Variants in SLC5A4 observed in about 807,000 individuals in gnomAD.
SLC5A4 encodes solute carrier family 5 member 4, also known as probable glucose sensor protein SLC5A4.
SLC5A4 carries 55 observed loss-of-function variants against 70.3 expected under a neutral mutation model. The observed-to-expected ratio is 0.78, with a 90% CI of 0.63 to 0.98. SLC5A4 has a LOEUF of 0.98. Ranked by LOEUF, SLC5A4 falls within the 50% of genes least tolerant of loss-of-function variation. SLC5A4 has a pLI of 0.00. For missense variants in SLC5A4, 735 were observed against 839.2 expected (o/e 0.88, Z 1.53); for synonymous variants, 268 against 305.7 (o/e 0.88, Z 1.29).
chr22:32,336,398 G>C, the SLC5A4 span, among the ~76,000 whole-genome samples: 1 of 152,248 alleles, frequency 6.6e-6, no homozygotes, highest in Non-Finnish European at 1.5e-5. Flanking sequence ...TTGCACAGTA[G>C]TTGCTGCGTT....
intron 3 of SLC5A4, 54 bp downstream of exon 3, chr22:32,251,716 T>G: frequency 9.5e-7 from 1 of 1,050,620 alleles, no homozygotes; most frequent in South Asian, 1.3e-5. Context: ...TAAAACATAC[T>G]AAGACACTGG....
chr22:32,275,348 A>G, the SLC5A4 span, among the ~76,000 whole-genome samples: 14 of 152,232 alleles, frequency 9.2e-5, no homozygotes, highest in South Asian at 2.3e-3. Flanking sequence ...AGCATTAGGT[A>G]TATCTCCTAA....
intron 5 of SLC5A4, among the ~76,000 whole-genome samples, chr22:32,242,125 G>GC (rs1280750956): frequency 6.6e-6 from 1 of 152,028 alleles, no homozygotes. Flanking sequence ...GTGTATGTAT[G>GC]CATTTATTTC....
chr22:32,226,629 A>G (rs1444987176), intron 11 of SLC5A4, among the ~76,000 whole-genome samples: 1 of 152,202 alleles, frequency 6.6e-6, no homozygotes, highest in Non-Finnish European at 1.5e-5. Context: ...GTCTTAGCAT[A>G]ATGCCTAAAC....
the SLC5A4 span, among the ~76,000 whole-genome samples, chr22:32,304,499 G>C: frequency 1.3e-5 from 2 of 151,878 alleles, no homozygotes; most frequent in Non-Finnish European, 2.9e-5. Context: ...GGCTGATCTC[G>C]AACTTCTGGG....
intron 12 of SLC5A4, among the ~76,000 whole-genome samples, chr22:32,224,788 C>T (rs561593948): frequency 4.6e-5 from 7 of 152,250 alleles, no homozygotes; most frequent in Non-Finnish European, 8.8e-5. Flanking sequence ...TAGATCAAAA[C>T]ACTTGTGATT....
the SLC5A4 span, among the ~76,000 whole-genome samples, chr22:32,316,921 CTAAT>C: frequency 1.0e-3 from 127 of 121,926 alleles, no homozygotes; most frequent in Non-Finnish European, 1.8e-3. Context: ...GCCAAATAAT[CTAAT>C]TAACAACTCT....
the SLC5A4 span, among the ~76,000 whole-genome samples, chr22:32,267,995 G>T: frequency 6.6e-6 from 1 of 152,048 alleles, no homozygotes; most frequent in Admixed American, 6.6e-5. Context: ...GTGGTGGTGG[G>T]CGCCTGTAGT....
chr22:32,257,007 G>A (rs1311901241), upstream of SLC5A4, among the ~76,000 whole-genome samples: 1 of 152,196 alleles, frequency 6.6e-6, no homozygotes, highest in Non-Finnish European at 1.5e-5. Flanking sequence ...CACAGCAGCT[G>A]CACTATTTTA....
chr22:32,261,415 G>A, the SLC5A4 span, among the ~76,000 whole-genome samples: 1 of 152,246 alleles, frequency 6.6e-6, no homozygotes, highest in Non-Finnish European at 1.5e-5. Context: ...GTTCCCAGGA[G>A]TGAGGCAGGA....
In SLC5A4 at chr22:32,221,039, CA is replaced by C. The variant is rs777502537; in HGVS notation, c.1666-18del. The C allele has an allele frequency of 3.4e-5, 52 of 1,534,956 alleles. No homozygotes were observed. The African/African-American group carries it at 6.8e-4, about 20-fold the overall frequency. ...GCGGTACAGCTGAACAGGGACCATA[CA>C]AAAGTGCATTAGTAATAGGCAAATG... On this transcript the variant is annotated intron_variant, in intron 13 of 14. Coordinates refer to ENST00000266086, the MANE Select transcript of SLC5A4 (RefSeq NM_014227.3).
At chr22:32,354,780 C>T in the SLC5A4 span, 20 of 149,444 alleles carry the variant, frequency 1.3e-4, no homozygotes, top group African/African-American at 4.9e-4. Context: ...GCCTCCAACC[C>T]ACCCCACCAC....
the SLC5A4 span, among the ~76,000 whole-genome samples, chr22:32,275,791 C>T: frequency 6.6e-6 from 1 of 152,232 alleles, no homozygotes; most frequent in South Asian, 2.1e-4. Flanking sequence ...GGAATCACCA[C>T]ACTGACTTCC....
At chr22:32,351,315 C>G in the SLC5A4 span, among the ~76,000 whole-genome samples, 1,081 of 152,260 alleles carry the variant, frequency 7.1e-3, 5 homozygotes, top group Middle Eastern at 0.017. Flanking sequence ...AACGAATTAA[C>G]AGGATATGAA....
chr22:32,317,599 A>G, the SLC5A4 span, among the ~76,000 whole-genome samples: 1 of 152,116 alleles, frequency 6.6e-6, no homozygotes, highest in Admixed American at 6.5e-5. Context: ...TGTAGCTAAG[A>G]CTACAGGTGT....
the SLC5A4 span, among the ~76,000 whole-genome samples, chr22:32,308,842 A>G: frequency 7.2e-5 from 11 of 152,150 alleles, no homozygotes; most frequent in African/African-American, 2.6e-4. Flanking sequence ...GCACCCATGT[A>G]TGCATATGTA....
At chr22:32,226,846 T>A (rs1421361117) in intron 11 of SLC5A4, among the ~76,000 whole-genome samples, 1 of 152,086 alleles carries the variant, frequency 6.6e-6, no homozygotes, top group African/African-American at 2.4e-5. Flanking sequence ...TCCCACTGGC[T>A]TCTCATGGAT....
At chr22:32,246,238 A>G (rs368962733) in intron 5 of SLC5A4, among the ~76,000 whole-genome samples, 1 of 152,230 alleles carries the variant, frequency 6.6e-6, no homozygotes, top group Non-Finnish European at 1.5e-5. Context: ...ATATGCAGTC[A>G]GTGCTGGGCA....
At chr22:32,341,103 G>A in the SLC5A4 span, among the ~76,000 whole-genome samples, 4 of 152,142 alleles carry the variant, frequency 2.6e-5, no homozygotes, top group Non-Finnish European at 5.9e-5. Context: ...AGTCTCCCAC[G>A]TCTATGGGGT....
Sources: gnomAD v4.1 joint callset for allele counts (sites outside exome capture counted in the v4.1 genomes callset) on GRCh38, gnomAD v4.1.1 for gene constraint, MANE v1.5 for transcripts, NCBI Gene and HGNC (gene_info 2026-07-23, HGNC 2026-07-21) for gene names.